Variants in EXOSC3 observed in about 807,000 individuals in gnomAD.
The protein encoded by EXOSC3 is exosome component 3, also known as exosome complex component RRP40.
In EXOSC3, 18 loss-of-function variants were observed where a neutral mutation model predicts 25.1. That is an observed-to-expected ratio of 0.72 (90% confidence interval 0.50 to 1.06). The LOEUF is 1.06. Among genes scored for constraint, EXOSC3 ranks in the 50% least tolerant of loss-of-function variants. The probability of loss-of-function intolerance (pLI) is 0.00; values close to 1 mark genes in which losing one functional copy is unlikely to be tolerated. For missense variants in EXOSC3, 382 were observed against 350.9 expected (o/e 1.09, Z -0.71); for synonymous variants, 165 against 132.2 (o/e 1.25, Z -1.70).
At position 37,782,128 on chromosome 9, in the gene EXOSC3, G is replaced by A. The variant is rs1256419561; in HGVS notation, c.484C>T (p.Leu162Phe). Residue 162 changes from leucine (L) to phenylalanine (F), a missense_variant, in exon 3 of 4, where the codon CTC becomes TTC. Leu to Phe is a conservative substitution (Grantham distance 22). Coordinates refer to ENST00000327304, the MANE Select transcript of EXOSC3 (RefSeq NM_016042.4). ...RNRPNVQVGD[L>F]IYGQFVVANK... ...GCAACCACAAACTGGCCATAGATGA[G>A]ATCTCCAACCTACAATGATATTAAA... is the stretch of plus-strand genomic sequence containing the variant. The A allele has an allele frequency of 6.2e-7, 1 of 1,613,784 alleles. No individual in the cohort carries two copies. The highest frequency in any genetic ancestry group is 1.7e-5 in the Admixed American group (1 of 59,988).
rs753519979 is a variant in EXOSC3 at position 37,780,891 on chromosome 9, GAGAAA to G, written c.627-16_627-12del. 2 of 1,608,514 alleles carry G rather than the reference GAGAAA, an allele frequency of 1.2e-6. No homozygotes were observed. Among genetic ancestry groups the G allele is most frequent in the Admixed American group, 3.4e-5 (2 of 59,484 alleles). Reference sequence around the variant, plus strand: ...TCTGGAGCTAATAGCCTGGTGGGAAGAGAAAAGAAAATGAAATTTAATGAAGTGGC... The same window carrying G: ...TCTGGAGCTAATAGCCTGGTGGGAAGAGAAAATGAAATTTAATGAAGTGGC... On this transcript the variant is annotated splice_polypyrimidine_tract_variant and intron_variant, in intron 3 of 3. Coordinates refer to ENST00000327304, the MANE Select transcript of EXOSC3 (RefSeq NM_016042.4).
At position 37,780,456 on chromosome 9, in the gene EXOSC3, T is replaced by C; in HGVS notation, c.*223A>G. On this transcript the variant is annotated 3_prime_UTR_variant, in exon 4 of 4. Coordinates refer to ENST00000327304, the MANE Select transcript of EXOSC3 (RefSeq NM_016042.4). ...GTTAACTCCAAATAAACCCTAATAC[T>C]GTTTTTTAGTAAACTTTATTGTACC... 1 of 509,346 alleles carries C rather than the reference T, an allele frequency of 2.0e-6. No individual in the cohort carries two copies. The highest frequency in any genetic ancestry group is 2.4e-5 in the South Asian group (1 of 41,988). The allele number at this position is 509,346 out of a possible 1,614,324, so 31.6% of individuals were successfully genotyped here. A position where few individuals can be genotyped will look rare whatever the true frequency, so the allele number is the denominator to read the frequency against.
intron 1 of EXOSC3, 84 bp downstream of exon 1, chr9:37,784,637 G>A (rs1168602104): frequency 7.2e-7 from 1 of 1,393,424 alleles, no homozygotes. Flanking sequence ...AGGGCCTCAG[G>A]GTCCCTCTCT....
In EXOSC3 at chr9:37,780,882, T is replaced by C; in HGVS notation, c.627-2A>G. On this transcript the variant is annotated splice_acceptor_variant, in intron 3 of 3. Transcript: ENST00000327304. LOFTEE classifies it high-confidence loss of function. ...ATTTCACAATCTGGAGCTAATAGCC[T>C]GGTGGGAAGAGAAAAGAAAATGAAA... 1 of 1,611,610 alleles carries C rather than the reference T, an allele frequency of 6.2e-7. No homozygotes were observed. Among genetic ancestry groups the C allele is most frequent in the Non-Finnish European group, 8.5e-7 (1 of 1,179,092 alleles).
chr9:37,780,910 T>C (rs777709692), intron 3 of EXOSC3, 30 bp from the exon 4 acceptor site: 9 of 1,586,636 alleles, frequency 5.7e-6, no homozygotes, highest in Non-Finnish European at 7.7e-6. Flanking sequence ...AAATGAAATT[T>C]AATGAAGTGG....
rs1358971269 is a variant in EXOSC3 at position 37,780,485 on chromosome 9, C to CA, written c.*193dup. 3.2e-5 allele frequency: 18 copies of CA among 571,378 alleles called. No individual in the cohort carries two copies. Among genetic ancestry groups the CA allele is most frequent in the East Asian group, 1.2e-4 (4 of 33,816 alleles). 35.4% of individuals were successfully genotyped at this position (571,378 alleles called of 1,614,324 possible). On this transcript the variant is annotated 3_prime_UTR_variant, in exon 4 of 4. Coordinates refer to ENST00000327304, the MANE Select transcript of EXOSC3 (RefSeq NM_016042.4). ...TTTTAGTAAACTTTATTGTACCGAA[C>CA]AAAAAAAATGATTTTGCAATGATTT...
chr9:37,784,460 G>A, intron 1 of EXOSC3: 1 of 544,768 alleles, frequency 1.8e-6, no homozygotes, highest in Non-Finnish European at 3.2e-6. Context: ...CCAAACGGCA[G>A]GCCTGCTGTG....
rs1828649999 is a variant in EXOSC3 at position 37,784,066 on chromosome 9, A to G, written c.325-3T>C. ...TGGTCTCCTTTTACTGGAACATACT[A>G]CAAAAAGAAACAGAATGAAAAAACA... On this transcript the variant is annotated splice_polypyrimidine_tract_variant and splice_region_variant and intron_variant, in intron 1 of 3. Transcript: ENST00000327304. 1 of 1,601,956 alleles carries G rather than the reference A, an allele frequency of 6.2e-7. No individual in the cohort carries two copies. The highest frequency in any genetic ancestry group is 2.2e-5 in the East Asian group (1 of 44,478).
chr9:37,781,722 G>A (rs1828600212), intron 3 of EXOSC3: 2 of 372,644 alleles, frequency 5.4e-6, no homozygotes, highest in Admixed American at 8.8e-5. Flanking sequence ...GGCCTGGGAA[G>A]GAAGATATGA....
Position 37,782,009 on chromosome 9 carries a change from T to C in EXOSC3, c.603A>G (p.Lys201=). 1 of 1,613,896 alleles carries C rather than the reference T, an allele frequency of 6.2e-7. No individual in the cohort carries two copies. Among genetic ancestry groups the C allele is most frequent in the Non-Finnish European group, 8.5e-7 (1 of 1,179,938 alleles). ...ACTTTCTAATTAAGCCCAGAGTCACTTTAAAAAGCAGACCATCCTGTCCAA... is the reference window on the plus strand; with the variant it reads ...ACTTTCTAATTAAGCCCAGAGTCACCTTAAAAAGCAGACCATCCTGTCCAA... ...GVIGQDGLLF[K]VTLGLIRKLL... is the part of the protein sequence containing the mutation. The change falls in exon 3 of 4, where the codon AAA becomes AAG. Residue 201 remains lysine, a synonymous_variant. Transcript: ENST00000327304.
At chr9:37,781,500 CATGAACCTCAGTATGCCTCAGT>C (rs890971879) in intron 3 of EXOSC3, among the ~76,000 whole-genome samples, 1 of 151,656 alleles carries the variant, frequency 6.6e-6, no homozygotes, top group South Asian at 2.1e-4. Context: ...TCTGCCTCAG[CATGAACCTCAGTATGCCTCAGT>C]ATGACCAAGT....
intron 2 of EXOSC3, among the ~76,000 whole-genome samples, 176 bp from the exon 3 acceptor site, chr9:37,782,313 C>T (rs981085184): frequency 1.1e-4 from 16 of 152,226 alleles, no homozygotes; most frequent in Non-Finnish European, 2.2e-4. Flanking sequence ...AAAAGGAACA[C>T]ATGTATCATT....
In EXOSC3 at chr9:37,780,383, A is replaced by G. The variant is rs138197600; in HGVS notation, c.*296T>C. ...ACTGTTATAATCACAAAATTATTTT[A>G]CTGCTGACCTCCAGTTAATTATGGA... is the stretch of plus-strand genomic sequence containing the variant. On this transcript the variant is annotated 3_prime_UTR_variant, in exon 4 of 4. Transcript: ENST00000327304. 0.01 allele frequency: 3,208 copies of G among 306,580 alleles called. 32 individuals are homozygous for G. The highest frequency in any genetic ancestry group is 0.015 in the Non-Finnish European group (2,397 of 164,078). The allele number at this position is 306,580 out of a possible 1,614,324, so 19.0% of individuals were successfully genotyped here.
chr9:37,781,894 C>T lies in EXOSC3; in HGVS notation c.626+92G>A, dbSNP rs2296551. The T allele has an allele frequency of 0.18, 247,879 of 1,371,386 alleles. 24,084 individuals are homozygous for T. The highest frequency in any genetic ancestry group is 0.35 in the African/African-American group (23,795 of 68,554). 85.0% of individuals were successfully genotyped at this position (1,371,386 alleles called of 1,614,324 possible). On this transcript the variant is annotated intron_variant, in intron 3 of 3. Coordinates refer to ENST00000327304, the MANE Select transcript of EXOSC3 (RefSeq NM_016042.4). The stretch of plus-strand genomic sequence containing the variant: ...TTCTAACTCTGAGGAGAAATTCAAA[C>T]GTTACAAAGAATCTGAATCCTGAAG...
chr9:37,781,921 T>C, intron 3 of EXOSC3, 65 bp downstream of exon 3: 1 of 1,527,788 alleles, frequency 6.5e-7, no homozygotes, highest in Non-Finnish European at 8.8e-7. Context: ...ATCCTGAAGA[T>C]TAACCAACTT....
rs766370104 is a variant in EXOSC3, at chr9:37,780,661, TA to T, written c.*17del. On this transcript the variant is annotated 3_prime_UTR_variant, in exon 4 of 4. Transcript: ENST00000327304. The stretch of plus-strand genomic sequence containing the variant: ...ATAGTTTTTTGCCTCAACTGACCTG[TA>T]AAAAAGTCCACCTATATCAACTTTC... 17 of 1,611,044 alleles carry T rather than the reference TA, an allele frequency of 1.1e-5. No homozygotes were observed. Among genetic ancestry groups the T allele is most frequent in the Non-Finnish European group, 1.4e-5 (17 of 1,178,848 alleles).
intron 3 of EXOSC3, among the ~76,000 whole-genome samples, chr9:37,781,587 C>T (rs532467237): frequency 3.2e-4 from 48 of 152,052 alleles, no homozygotes; most frequent in Middle Eastern, 6.8e-3. Context: ...ATCTAAGCTG[C>T]GTGTGACCCC....
At chr9:37,784,423 T>C in intron 1 of EXOSC3, 2 of 505,598 alleles carry the variant, frequency 4.0e-6, no homozygotes, top group South Asian at 3.0e-5. Context: ...CATCCACTCA[T>C]TGAGCCTAGT....
Position 37,780,405 on chromosome 9 carries a change from T to C in EXOSC3, c.*274A>G. ...TTTACTGCTGACCTCCAGTTAATTA[T>C]GGAAGCTGTAGCAATTACTAAGGGA... is the stretch of plus-strand genomic sequence containing the variant. On this transcript the variant is annotated 3_prime_UTR_variant, in exon 4 of 4. Coordinates refer to ENST00000327304, the MANE Select transcript of EXOSC3 (RefSeq NM_016042.4). 1 of 344,586 alleles carries C rather than the reference T, an allele frequency of 2.9e-6. No individual in the cohort carries two copies. The highest frequency in any genetic ancestry group is 3.8e-5 in the South Asian group (1 of 26,580). 21.3% of individuals were successfully genotyped at this position (344,586 alleles called of 1,614,324 possible).
Sources: gnomAD v4.1 joint callset for allele counts (sites outside exome capture counted in the v4.1 genomes callset) on GRCh38, gnomAD v4.1.1 for gene constraint, MANE v1.5 for transcripts, NCBI Gene and HGNC (gene_info 2026-07-23, HGNC 2026-07-21) for gene names.